NAP1L4: variants seen among roughly 807,000 people sequenced by gnomAD.
NAP1L4 encodes nucleosome assembly protein 1 like 4, also known as nucleosome assembly protein 1-like 4.
Under a neutral mutation model 58.2 loss-of-function variants are expected in NAP1L4, and 15 were observed. That is an observed-to-expected ratio of 0.26 (90% confidence interval 0.17 to 0.40). The LOEUF is 0.40. NAP1L4 is among the 10% of genes least tolerant of loss of function. The pLI, the probability that NAP1L4 is intolerant of heterozygous loss-of-function variation, is 1.00. For synonymous variants in NAP1L4, 171 were observed against 155.6 expected, an observed-to-expected ratio of 1.10 and a Z score of -0.74; for missense variants, 384 against 451.1, an observed-to-expected ratio of 0.85 and a Z score of 1.35.
chr11:2,951,377 A>G lies in NAP1L4; in HGVS notation c.1066-62T>C. 7.0e-7 allele frequency: 1 copy of G among 1,434,986 alleles called. No individual in the cohort carries two copies. Among genetic ancestry groups the G allele is most frequent in the Admixed American group, 1.7e-5 (1 of 59,246 alleles). The allele number at this position is 1,434,986 out of a possible 1,614,324, so 88.9% of individuals were successfully genotyped here. On this transcript the variant is annotated intron_variant, in intron 13 of 15. Coordinates refer to ENST00000380542, the MANE Select transcript of NAP1L4 (RefSeq NM_005969.4). This position sits in a 1 kb window ranked among gnomAD's most constrained non-coding sequence, Gnocchi z 4.0. The stretch of plus-strand genomic sequence containing the variant: ...GATTTAAACTCTTGTGGCATTCACA[A>G]TCCACAAACACAAGGAGCAAAACAC...
At position 2,954,918 on chromosome 11, in the gene NAP1L4, G is replaced by A. The variant is rs1846442485; in HGVS notation, c.916-272C>T. On this transcript the variant is annotated intron_variant, in intron 11 of 15. Coordinates refer to ENST00000380542, the MANE Select transcript of NAP1L4 (RefSeq NM_005969.4). This position sits in a 1 kb window ranked among gnomAD's most constrained non-coding sequence, Gnocchi z 4.8. ...TGTCCAAAGGTCTCACCCAGAGTAG[G>A]CGGTATCAGTCTCACATATGGGAAA... is the stretch of plus-strand genomic sequence containing the variant. Among the ~76,000 whole-genome samples, 1 of 152,172 alleles carries A rather than the reference G, an allele frequency of 6.6e-6. No homozygotes were observed. The highest frequency in any genetic ancestry group is 2.1e-4 in the South Asian group (1 of 4,828).
At chr11:2,967,262 C>G (rs1847338502) in intron 7 of NAP1L4, among the ~76,000 whole-genome samples, 1 of 152,114 alleles carries the variant, frequency 6.6e-6, no homozygotes, top group African/African-American at 2.4e-5. Context: ...AAGACCATGT[C>G]CCTTAAAAAT....
At position 2,978,289 on chromosome 11, in the gene NAP1L4, T is replaced by C; in HGVS notation, c.68A>G (p.Asn23Ser). ...DSVEAAKNAS[N>S]TEKLTDQVMQ... ...TCCATGTGCAGTGGACTGACCTGTG[T>C]TACTTGCATTTTTAGCAGCTTCCAC... Residue 23 changes from asparagine (N) to serine (S), a missense_variant, in exon 3 of 16, where the codon AAC (asparagine) becomes AGC (serine). This residue lies in a region of NAP1L4 where 84 missense variants were observed against 73.7 expected (regional missense o/e 1.14). Transcript: ENST00000380542. 5 of 1,614,016 alleles carry C rather than the reference T, an allele frequency of 3.1e-6. No homozygotes were observed. The highest frequency in any genetic ancestry group is 4.2e-6 in the Non-Finnish European group (5 of 1,179,914).
chr11:2,963,731 C>T (rs758413551), intron 8 of NAP1L4: 1 of 518,950 alleles, frequency 1.9e-6, no homozygotes, highest in South Asian at 1.4e-5. Context: ...ACCACCATCA[C>T]CCACACCCAA....
intron 5 of NAP1L4, 91 bp downstream of exon 5, chr11:2,972,011 T>C (rs569479180): frequency 2.3e-6 from 3 of 1,327,138 alleles, no homozygotes; most frequent in East Asian, 2.6e-5. Context: ...GTTCTTACCC[T>C]AGATGTTGTC....
At chr11:2,991,014 C>A (rs754442890) in intron 1 of NAP1L4, 1 of 427,650 alleles carries the variant, frequency 2.3e-6, no homozygotes, top group Admixed American at 2.5e-5. Flanking sequence ...GGATAAGGCA[C>A]GGGTTACTAC....
rs756891116 is a variant in NAP1L4 at position 2,945,629 on chromosome 11, C to T, written c.*50G>A. The T allele has an allele frequency of 9.1e-6, 14 of 1,535,892 alleles. No homozygotes were observed. In the East Asian group the frequency reaches 1.5e-4, roughly 16 times the overall value. ...CTTCCTACTGCTGCTTGCATTCCGC[C>T]GGCTGGCTGGGTTCCTTCTGTCAAT... On this transcript the variant is annotated 3_prime_UTR_variant, in exon 16 of 16. Transcript: ENST00000380542.
At position 2,981,068 on chromosome 11, in the gene NAP1L4, A is replaced by AAAAC. The variant is rs200839553; in HGVS notation, c.-17-1835_-17-1832dup. Among the ~76,000 whole-genome samples the AAAAC allele has an allele frequency of 1.7e-3, 254 of 151,960 alleles. 1 individual carries two copies. Among genetic ancestry groups the AAAAC allele is most frequent in the African/African-American group, 5.1e-3 (213 of 41,414 alleles). ...AACATGGGGAAACCTCGTCTCTACA[A>AAAAC]AAACAAACAAACAAACAAAATTAGC... is the stretch of plus-strand genomic sequence containing the variant. On this transcript the variant is annotated intron_variant, in intron 1 of 15. Coordinates refer to ENST00000380542, the MANE Select transcript of NAP1L4 (RefSeq NM_005969.4).
intron 1 of NAP1L4, among the ~76,000 whole-genome samples, chr11:2,980,085 T>C (rs1473698788): frequency 6.6e-6 from 1 of 152,234 alleles, no homozygotes; most frequent in Non-Finnish European, 1.5e-5. Flanking sequence ...TAAAGATGAT[T>C]ATTTCTATAT....
intron 7 of NAP1L4, among the ~76,000 whole-genome samples, chr11:2,964,976 G>A (rs575539591): frequency 4.6e-5 from 7 of 152,296 alleles, no homozygotes; most frequent in African/African-American, 7.2e-5. Context: ...GTGGAGCAAC[G>A]GTGGCTGCCA....
chr11:2,973,226 T>C (rs572688791), intron 4 of NAP1L4, among the ~76,000 whole-genome samples: 3 of 152,368 alleles, frequency 2.0e-5, no homozygotes, highest in East Asian at 3.9e-4. Context: ...AACTATGAGT[T>C]TGCCTTTCAA....
intron 7 of NAP1L4, among the ~76,000 whole-genome samples, chr11:2,968,681 GCA>G (rs947092886): frequency 6.6e-6 from 1 of 152,190 alleles, no homozygotes; most frequent in Non-Finnish European, 1.5e-5. Context: ...AGTTTGCAAC[GCA>G]CAGTGCCTAT....
intron 4 of NAP1L4, among the ~76,000 whole-genome samples, chr11:2,975,710 T>C (rs1329072879): frequency 1.3e-5 from 2 of 151,974 alleles, no homozygotes; most frequent in African/African-American, 4.8e-5. Context: ...AGTGGTTCTC[T>C]TAGTTTAACT....
At chr11:2,969,549 T>C (rs919670056) in intron 7 of NAP1L4, among the ~76,000 whole-genome samples, 2 of 152,028 alleles carry the variant, frequency 1.3e-5, no homozygotes, top group African/African-American at 4.8e-5. Context: ...AGGAACTGAT[T>C]TGAAAGTTTT....
chr11:2,949,389 G>A lies in NAP1L4; in HGVS notation c.1123-125C>T, dbSNP rs1358007404. 2 of 768,038 alleles carry A rather than the reference G, an allele frequency of 2.6e-6. No individual in the cohort carries two copies. The highest frequency in any genetic ancestry group is 4.6e-6 in the Non-Finnish European group (2 of 433,852). The allele number at this position is 768,038 out of a possible 1,614,324, so 47.6% of individuals were successfully genotyped here. On this transcript the variant is annotated intron_variant, in intron 14 of 15. Transcript: ENST00000380542. This position sits in a 1 kb window ranked among gnomAD's most constrained non-coding sequence, Gnocchi z 4.0. Reference sequence around the variant, plus strand: ...AAGGGCTGCAAGATACTGAACTCGGGGTGAACAACTTCAACACTAGATCAT... The same window carrying A: ...AAGGGCTGCAAGATACTGAACTCGGAGTGAACAACTTCAACACTAGATCAT...
intron 7 of NAP1L4, 132 bp downstream of exon 7, chr11:2,969,671 G>A (rs1210921459): frequency 2.2e-6 from 2 of 926,824 alleles, no homozygotes; most frequent in Non-Finnish European, 3.0e-6. Flanking sequence ...CTGAGGTCCT[G>A]GTCAGAGAAA....
intron 8 of NAP1L4, among the ~76,000 whole-genome samples, chr11:2,960,529 C>T (rs968172361): frequency 7.2e-5 from 11 of 152,164 alleles, no homozygotes; most frequent in Non-Finnish European, 1.0e-4. Flanking sequence ...CAACCAACAG[C>T]AGCAACAAGG....
At chr11:2,986,465 T>A (rs2134023250) in intron 1 of NAP1L4, among the ~76,000 whole-genome samples, 1 of 152,210 alleles carries the variant, frequency 6.6e-6, no homozygotes, top group East Asian at 1.9e-4. Flanking sequence ...CCAAAACTTT[T>A]ATATATTTAC....
In NAP1L4 at chr11:2,948,855, C is replaced by T. The variant is rs187294214; in HGVS notation, c.*32+372G>A. Among the ~76,000 whole-genome samples, 270 of 152,340 alleles carry T rather than the reference C, an allele frequency of 1.8e-3. No homozygotes were observed. The highest frequency in any genetic ancestry group is 5.0e-3 in the Admixed American group (76 of 15,306). On this transcript the variant is annotated intron_variant, in intron 15 of 15. Transcript: ENST00000380542. This position sits in a 1 kb window ranked among gnomAD's most constrained non-coding sequence, Gnocchi z 5.1. Reference sequence around the variant, plus strand: ...CTGCCAGTGTGTGTTCTGAGCACAGCTGGGACAGCCCAGTGTGTTATGCTC... The same window carrying T: ...CTGCCAGTGTGTGTTCTGAGCACAGTTGGGACAGCCCAGTGTGTTATGCTC...
Sources: gnomAD v4.1 joint callset for allele counts (sites outside exome capture counted in the v4.1 genomes callset) on GRCh38, gnomAD v4.1.1 for gene constraint, gnomAD v4.1.1 regional missense constraint, Gnocchi (gnomAD v3.1) non-coding constraint, MANE v1.5 for transcripts, NCBI Gene and HGNC (gene_info 2026-07-23, HGNC 2026-07-21) for gene names.